The following CMTM6 variants were observed in gnomAD, a reference collection of about 807,000 sequenced individuals.
The protein encoded by CMTM6 is CKLF like MARVEL transmembrane domain containing 6.
In CMTM6, 5 loss-of-function variants were observed where a neutral mutation model predicts 13.6. The observed-to-expected ratio is 0.37, with a 90% confidence interval of 0.19 to 0.77. The LOEUF (loss-of-function observed/expected upper bound fraction) is 0.77, where lower values mean the gene tolerates loss of function less well. Among genes scored for constraint, CMTM6 ranks in the 30% least tolerant of loss-of-function variants. The probability of loss-of-function intolerance (pLI) is 0.50; values close to 1 mark genes in which losing one functional copy is unlikely to be tolerated. For synonymous variants in CMTM6, 99 were observed against 84.5 expected (o/e 1.17, Z -0.94); for missense variants, 196 against 218.6 (o/e 0.90, Z 0.65).
rs1697157406 is a variant in CMTM6, at chr3:32,481,927, C to G, written c.*2033G>C. On this transcript the variant is annotated 3_prime_UTR_variant, in exon 4 of 4. Coordinates refer to ENST00000205636, the MANE Select transcript of CMTM6 (RefSeq NM_017801.3). Reference sequence around the variant, plus strand: ...ATGACAGTATGTTTTATATGACAGGCCAGCTGAGAATGTATCTGTCAATCC... The same window carrying G: ...ATGACAGTATGTTTTATATGACAGGGCAGCTGAGAATGTATCTGTCAATCC... 6.6e-6 allele frequency: 1 copy of G among 152,218 alleles called. No homozygotes were observed. The highest frequency in any genetic ancestry group is 2.1e-4 in the South Asian group (1 of 4,836). The allele number at this position is 152,218 out of a possible 1,614,324, so 9.4% of individuals were successfully genotyped here.
At chr3:32,486,513 GTTGTGTAATATAGCA>G (rs1697206968) in intron 3 of CMTM6, among the ~76,000 whole-genome samples, 1 of 152,154 alleles carries the variant, frequency 6.6e-6, no homozygotes, top group Non-Finnish European at 1.5e-5. Context: ...CTCAAGTGGT[GTTGTGTAATATAGCA>G]TATGTACAGC....
intron 3 of CMTM6, among the ~76,000 whole-genome samples, chr3:32,486,814 G>A (rs927097241): frequency 1.3e-5 from 2 of 152,166 alleles, no homozygotes; most frequent in African/African-American, 4.8e-5. Flanking sequence ...CTCTGGCGCT[G>A]TTCTTGTAAT....
At chr3:32,490,451 T>C (rs1645051804) in intron 2 of CMTM6, among the ~76,000 whole-genome samples, 1 of 152,132 alleles carries the variant, frequency 6.6e-6, no homozygotes, top group Admixed American at 6.5e-5. Flanking sequence ...TGTTCTATGA[T>C]TACAAATATT....
At chr3:32,499,834 A>G (rs1471343000) in intron 1 of CMTM6, among the ~76,000 whole-genome samples, 1 of 111,012 alleles carries the variant, frequency 9.0e-6, no homozygotes, top group Non-Finnish European at 1.8e-5. Context: ...TACAGGCTCC[A>G]CTCTCTATCC....
chr3:32,481,370 TAAA>T lies in CMTM6; in HGVS notation c.*2587_*2589del, dbSNP rs71068056. On this transcript the variant is annotated 3_prime_UTR_variant, in exon 4 of 4. Transcript: ENST00000205636. ...CTATAAAATCTGACATCAAGAGAGATAAAAAAAAAAGACCCATAAGATTTAAAT... is the reference window on the plus strand; with the variant it reads ...CTATAAAATCTGACATCAAGAGAGATAAAAAAAGACCCATAAGATTTAAAT... 1 of 146,838 alleles carries T rather than the reference TAAA, an allele frequency of 6.8e-6. No individual in the cohort carries two copies. Among genetic ancestry groups the T allele is most frequent in the African/African-American group, 2.6e-5 (1 of 39,124 alleles). 9.1% of individuals were successfully genotyped at this position (146,838 alleles called of 1,614,324 possible).
intron 1 of CMTM6, among the ~76,000 whole-genome samples, chr3:32,498,116 T>C (rs566307376): frequency 9.2e-5 from 14 of 152,194 alleles, no homozygotes; most frequent in South Asian, 2.1e-4. Flanking sequence ...TTAACAACTG[T>C]ATACCCAATG....
At chr3:32,498,728 C>A (rs1055768810) in intron 1 of CMTM6, among the ~76,000 whole-genome samples, 2 of 151,266 alleles carry the variant, frequency 1.3e-5, no homozygotes, top group African/African-American at 4.9e-5. Context: ...TACAGGTGCA[C>A]GCCACAATAC....
At chr3:32,490,331 A>G (rs1268168880) in intron 2 of CMTM6, among the ~76,000 whole-genome samples, 4 of 152,194 alleles carry the variant, frequency 2.6e-5, no homozygotes, top group African/African-American at 9.6e-5. Context: ...CCTCTCTTGC[A>G]TGAAAAAATA....
chr3:32,496,557 A>G (rs963275584), intron 1 of CMTM6, among the ~76,000 whole-genome samples: 2 of 152,246 alleles, frequency 1.3e-5, no homozygotes, highest in South Asian at 2.1e-4. Context: ...ACGTATAGGA[A>G]GATACAAATG....
intron 2 of CMTM6, among the ~76,000 whole-genome samples, chr3:32,489,350 A>G (rs566393795): frequency 4.6e-5 from 7 of 151,904 alleles, no homozygotes; most frequent in African/African-American, 1.4e-4. Flanking sequence ...ACATTTATAT[A>G]AAATGTAAGA....
intron 1 of CMTM6, among the ~76,000 whole-genome samples, chr3:32,495,588 C>CT (rs949789368): frequency 1.2e-4 from 18 of 152,262 alleles, no homozygotes; most frequent in African/African-American, 4.1e-4. Flanking sequence ...GCCTAAAACT[C>CT]TAATTAGGGT....
chr3:32,501,487 T>C (rs1697345166), intron 1 of CMTM6, among the ~76,000 whole-genome samples: 1 of 152,178 alleles, frequency 6.6e-6, no homozygotes, highest in Admixed American at 6.5e-5. Context: ...CTGGGTTCCA[T>C]AGGCCACATT....
intron 1 of CMTM6, among the ~76,000 whole-genome samples, chr3:32,497,531 G>A (rs920064538): frequency 8.0e-6 from 1 of 125,054 alleles, no homozygotes; most frequent in Admixed American, 7.9e-5. Context: ...TTTTTTTTTT[G>A]GTAAGCAGAC....
chr3:32,490,850 G>A (rs1408520731), intron 2 of CMTM6, among the ~76,000 whole-genome samples: 3 of 151,872 alleles, frequency 2.0e-5, no homozygotes, highest in South Asian at 2.1e-4. Flanking sequence ...GCCAGAATTT[G>A]GAATATATAC....
At position 32,483,909 on chromosome 3, in the gene CMTM6, G is replaced by T; in HGVS notation, c.*51C>A. On this transcript the variant is annotated 3_prime_UTR_variant, in exon 4 of 4. Transcript: ENST00000205636. ...TACAAGAGCTTCTGCCAGGGCTCAG[G>T]CACCACAATGCAGGGTCACTACCTT... 6.9e-7 allele frequency: 1 copy of T among 1,452,018 alleles called. No individual in the cohort carries two copies. Among genetic ancestry groups the T allele is most frequent in the Non-Finnish European group, 9.1e-7 (1 of 1,097,500 alleles). The allele number at this position is 1,452,018 out of a possible 1,614,324, so 89.9% of individuals were successfully genotyped here. A position where few individuals can be genotyped will look rare whatever the true frequency, so the allele number is the denominator to read the frequency against.
At chr3:32,492,355 C>T (rs1447618398) in intron 1 of CMTM6, among the ~76,000 whole-genome samples, 1 of 152,314 alleles carries the variant, frequency 6.6e-6, no homozygotes, top group African/African-American at 2.4e-5. Flanking sequence ...TCCAACTTAA[C>T]TGTCAAAGTG....
At chr3:32,498,141 G>T (rs1041643595) in intron 1 of CMTM6, among the ~76,000 whole-genome samples, 6 of 152,086 alleles carry the variant, frequency 3.9e-5, no homozygotes, top group African/African-American at 1.4e-4. Flanking sequence ...TCCTTCTAAT[G>T]ACATAAAATT....
rs1575136102 is a variant in CMTM6, at chr3:32,483,678, C to T, written c.*282G>A. ...CAGAATGACAGAATCATTTATCAAC[C>T]GTTGAGCTGTGTGATTTAAAAACAA... On this transcript the variant is annotated 3_prime_UTR_variant, in exon 4 of 4. Coordinates refer to ENST00000205636, the MANE Select transcript of CMTM6 (RefSeq NM_017801.3). The T allele has an allele frequency of 4.5e-6, 1 of 221,750 alleles. No homozygotes were observed. The allele number at this position is 221,750 out of a possible 1,614,324, so 13.7% of individuals were successfully genotyped here. A position where few individuals can be genotyped will look rare whatever the true frequency, so the allele number is the denominator to read the frequency against.
At chr3:32,497,141 T>C (rs566061984) in intron 1 of CMTM6, among the ~76,000 whole-genome samples, 1 of 151,908 alleles carries the variant, frequency 6.6e-6, no homozygotes, top group African/African-American at 2.4e-5. Flanking sequence ...CCCAGCACTC[T>C]GGGAGGCCGA....
Sources: gnomAD v4.1 joint callset for allele counts (sites outside exome capture counted in the v4.1 genomes callset) on GRCh38, gnomAD v4.1.1 for gene constraint, MANE v1.5 for transcripts, NCBI Gene and HGNC (gene_info 2026-07-23, HGNC 2026-07-21) for gene names.